The following MAD2L1BP variants were observed in gnomAD, a reference collection of about 807,000 sequenced individuals.
MAD2L1BP encodes MAD2L1 binding protein.
In MAD2L1BP, 22 loss-of-function variants were observed where a neutral mutation model predicts 28.4. The observed-to-expected ratio is 0.77, with a 90% confidence interval of 0.55 to 1.10. The LOEUF (loss-of-function observed/expected upper bound fraction) is 1.10, where lower values mean the gene tolerates loss of function less well. Ranked by LOEUF, MAD2L1BP falls within the 50% of genes least tolerant of loss-of-function variation. The pLI is 0.00. For missense variants in MAD2L1BP, 325 were observed against 350.5 expected (o/e 0.93, Z 0.58); for synonymous variants, 146 against 133.7 (o/e 1.09, Z -0.63).
intron 2 of MAD2L1BP, chr6:43,636,883 A>AT (rs1770256406): frequency 1.1e-5 from 6 of 535,556 alleles, no homozygotes; most frequent in Admixed American, 1.0e-4. Flanking sequence ...GGCTCTTTGC[A>AT]TTTTTTTCTT....
In MAD2L1BP at chr6:43,636,642, C is replaced by T. The variant is rs1420419442; in HGVS notation, c.308C>T (p.Pro103Leu). 1 of 1,611,916 alleles carries T rather than the reference C, an allele frequency of 6.2e-7. No homozygotes were observed. The highest frequency in any genetic ancestry group is 1.1e-5 in the South Asian group (1 of 91,064). The change falls in exon 2 of 3, where the codon CCC becomes CTC. Residue 103 changes from proline to leucine, a missense_variant. By Grantham distance (98) the Pro-to-Leu change is moderately conservative (BLOSUM62 -3). Coordinates refer to ENST00000372171, the MANE Select transcript of MAD2L1BP (RefSeq NM_014628.3). Reference sequence around the variant, plus strand: ...AAGCACTTTTACCGAAAACCTTCTCCCCAGGTAGGCACAGGCTTTGGGAGC... The same window carrying T: ...AAGCACTTTTACCGAAAACCTTCTCTCCAGGTAGGCACAGGCTTTGGGAGC... ...QLKHFYRKPS[P>L]QAEEMLKKKP...
chr6:43,636,306 G>T, intron 1 of MAD2L1BP, 75 bp from the exon 2 acceptor site: 1 of 1,516,020 alleles, frequency 6.6e-7, no homozygotes, highest in Non-Finnish European at 9.0e-7. Context: ...TGGTTTGTCG[G>T]CCACAGGGAA....
rs1770180754 is a variant in MAD2L1BP at position 43,635,873 on chromosome 6, G to C, written c.-3G>C. Reference sequence around the variant, plus strand: ...CGCAAGGAGTAGCGGAGGGGAGGTCGTGATGGCGGCGCCGGAGGCGGAGGT... The same window carrying C: ...CGCAAGGAGTAGCGGAGGGGAGGTCCTGATGGCGGCGCCGGAGGCGGAGGT... On this transcript the variant is annotated 5_prime_UTR_variant, in exon 1 of 3. Transcript: ENST00000372171. 1 of 1,478,754 alleles carries C rather than the reference G, an allele frequency of 6.8e-7. No homozygotes were observed. The highest frequency in any genetic ancestry group is 8.9e-7 in the Non-Finnish European group (1 of 1,121,398). The allele number at this position is 1,478,754 out of a possible 1,614,324, so 91.6% of individuals were successfully genotyped here.
At position 43,640,650 on chromosome 6, in the gene MAD2L1BP, T is replaced by TAGCTCCAAA; in HGVS notation, c.*117_*118insAGCTCCAAA. On this transcript the variant is annotated 3_prime_UTR_variant, in exon 3 of 3. Transcript: ENST00000372171. Reference sequence around the variant, plus strand: ...TTCCTGGTGAGAGAGGAAGCAACTCTCCTTCTGGTTGTCTGCCTCCCCTCA... The same window carrying TAGCTCCAAA: ...TTCCTGGTGAGAGAGGAAGCAACTCTAGCTCCAAACCTTCTGGTTGTCTGCCTCCCCTCA... 11 of 1,109,094 alleles carry TAGCTCCAAA rather than the reference T, an allele frequency of 9.9e-6. No homozygotes were observed. The highest frequency in any genetic ancestry group is 5.7e-5 in the Admixed American group (2 of 35,088). The allele number at this position is 1,109,094 out of a possible 1,614,324, so 68.7% of individuals were successfully genotyped here.
chr6:43,630,908 C>CAAAAAAAAA (rs753239311), upstream of MAD2L1BP, among the ~76,000 whole-genome samples: 7 of 53,566 alleles, frequency 1.3e-4, no homozygotes, highest in African/African-American at 2.0e-4. Flanking sequence ...GACTTCGTCT[C>CAAAAAAAAA]AAAAAAAAAA....
intron 1 of MAD2L1BP, among the ~76,000 whole-genome samples, chr6:43,629,926 G>T (rs1246430592): frequency 6.6e-6 from 1 of 152,236 alleles, no homozygotes. Flanking sequence ...GAGGCACCGC[G>T]GTGGCCCCGA....
At chr6:43,638,721 G>A (rs9472095) in intron 2 of MAD2L1BP, among the ~76,000 whole-genome samples, 2 of 151,774 alleles carry the variant, frequency 1.3e-5, no homozygotes, top group African/African-American at 4.8e-5. Flanking sequence ...GTGTGAACCC[G>A]GGAGGCGGAG....
intron 2 of MAD2L1BP, among the ~76,000 whole-genome samples, chr6:43,637,419 TTTC>T (rs1381412196): frequency 4.6e-5 from 7 of 151,432 alleles, no homozygotes; most frequent in African/African-American, 1.5e-4. Context: ...GGACTTCTTT[TTTC>T]TTCTTTTTTT....
chr6:43,635,763 G>A, upstream of MAD2L1BP: 6 of 1,129,268 alleles, frequency 5.3e-6, no homozygotes, highest in Non-Finnish European at 7.2e-6. Context: ...ACACTGCGGC[G>A]ACGCCGCGCC....
chr6:43,640,340 C>T lies in MAD2L1BP; in HGVS notation c.632C>T (p.Thr211Ile). 1 of 1,613,840 alleles carries T rather than the reference C, an allele frequency of 6.2e-7. No homozygotes were observed. The highest frequency in any genetic ancestry group is 8.5e-7 in the Non-Finnish European group (1 of 1,179,916). The change falls in exon 3 of 3, where the codon ACC (threonine) becomes ATC (isoleucine). Residue 211 changes from threonine to isoleucine, a missense_variant. By Grantham distance (89) the Thr-to-Ile change is moderately conservative (BLOSUM62 -1). Coordinates refer to ENST00000372171, the MANE Select transcript of MAD2L1BP (RefSeq NM_014628.3). ...SELQAPPLMGTVVMAQGHRNC... is the reference protein window; with the variant it reads ...SELQAPPLMGIVVMAQGHRNC... ...CTTCAGGCTCCTCCACTCATGGGCACCGTCGTCATGGCACAGGGACACCGC... is the reference window on the plus strand; with the variant it reads ...CTTCAGGCTCCTCCACTCATGGGCATCGTCGTCATGGCACAGGGACACCGC...
At chr6:43,636,233 G>A in intron 1 of MAD2L1BP, 148 bp from the exon 2 acceptor site, 1 of 734,802 alleles carries the variant, frequency 1.4e-6, no homozygotes, top group Non-Finnish European at 2.2e-6. Context: ...CCCTGCCACG[G>A]CCCATACTGT....
upstream of MAD2L1BP, chr6:43,635,809 CG>C: frequency 7.1e-7 from 1 of 1,414,506 alleles, no homozygotes; most frequent in Non-Finnish European, 9.2e-7. Flanking sequence ...AGTGGAGGCG[CG>C]GGCTTCCCAT....
chr6:43,636,704 G>A (rs1770244529), intron 2 of MAD2L1BP, 58 bp downstream of exon 2: 5 of 1,576,478 alleles, frequency 3.2e-6, no homozygotes, highest in Non-Finnish European at 3.5e-6. Context: ...TTAGATGGGA[G>A]GCAGGTAGAA....
At chr6:43,632,381 C>G (rs1447432627), upstream of MAD2L1BP, among the ~76,000 whole-genome samples, 1 of 151,640 alleles carries the variant, frequency 6.6e-6, no homozygotes, top group Non-Finnish European at 1.5e-5. Flanking sequence ...CTTCAGCCCC[C>G]CAGGTAGCTG....
At chr6:43,637,434 T>C (rs1048937277) in intron 2 of MAD2L1BP, among the ~76,000 whole-genome samples, 3 of 150,284 alleles carry the variant, frequency 2.0e-5, no homozygotes, top group African/African-American at 7.3e-5. Context: ...TCTTTTTTTT[T>C]TTTTTTTTTG....
At chr6:43,638,728 G>A (rs9462910) in intron 2 of MAD2L1BP, among the ~76,000 whole-genome samples, 6 of 151,932 alleles carry the variant, frequency 3.9e-5, no homozygotes, top group Non-Finnish European at 8.8e-5. Flanking sequence ...CCCGGGAGGC[G>A]GAGGTTGCAG....
chr6:43,630,297 G>A (rs1488177869), intron 1 of MAD2L1BP, among the ~76,000 whole-genome samples: 1 of 152,184 alleles, frequency 6.6e-6, no homozygotes, highest in Non-Finnish European at 1.5e-5. Context: ...AGAAAGGCAG[G>A]GTGGAAAAGC....
rs575801361 is a variant in MAD2L1BP at position 43,636,780 on chromosome 6, C to T, written c.312+134C>T. On this transcript the variant is annotated intron_variant, in intron 2 of 2. Transcript: ENST00000372171. ...GCTTCCAGGGCTTCGGTCACTTTCT[C>T]CCCACTCTAGTCTTTGGTAGCCTAA... 2.8e-5 allele frequency: 29 copies of T among 1,037,330 alleles called. No homozygotes were observed. The South Asian group carries it at 4.3e-4, about 15-fold the overall frequency. The allele number at this position is 1,037,330 out of a possible 1,614,324, so 64.3% of individuals were successfully genotyped here.
rs1310033190 is a variant in MAD2L1BP, at chr6:43,640,035, G to T, written c.327G>T (p.Leu109=). ...TGTCCTCACAGGCAGAGGAGATGCTGAAGAAGAAACCTCGGGCCACCACTG... is the reference window on the plus strand; with the variant it reads ...TGTCCTCACAGGCAGAGGAGATGCTTAAGAAGAAACCTCGGGCCACCACTG... ...RKPSPQAEEM[L]KKKPRATTEV... Residue 109 remains leucine (L), a synonymous_variant, in exon 3 of 3, where the codon CTG becomes CTT. Coordinates refer to ENST00000372171, the MANE Select transcript of MAD2L1BP (RefSeq NM_014628.3). The T allele has an allele frequency of 6.5e-7, 1 of 1,527,984 alleles. No homozygotes were observed. Among genetic ancestry groups the T allele is most frequent in the South Asian group, 1.3e-5 (1 of 77,620 alleles). 94.7% of individuals were successfully genotyped at this position (1,527,984 alleles called of 1,614,324 possible).
Sources: gnomAD v4.1 joint callset for allele counts (sites outside exome capture counted in the v4.1 genomes callset) on GRCh38, gnomAD v4.1.1 for gene constraint, MANE v1.5 for transcripts, NCBI Gene and HGNC (gene_info 2026-07-23, HGNC 2026-07-21) for gene names.